RAPGEF2: variants seen among roughly 807,000 people sequenced by gnomAD.
RAPGEF2 encodes Rap guanine nucleotide exchange factor 2.
A neutral mutation model predicts 186.7 loss-of-function variants in RAPGEF2; 54 were observed. The observed-to-expected ratio is 0.29, with a 90% CI of 0.23 to 0.36. The LOEUF (loss-of-function observed/expected upper bound fraction) is 0.36, where lower values mean the gene tolerates loss of function less well. Ranked by LOEUF, RAPGEF2 falls within the 10% of genes least tolerant of loss-of-function variation. The pLI is 1.00. For synonymous variants in RAPGEF2, 712 were observed against 705.9 expected (o/e 1.01, Z -0.14); for missense variants, 1,532 against 2,045.0 (o/e 0.75, Z 4.84).
chr4:159,301,403 GT>G (rs1762657432), intron 7 of RAPGEF2, among the ~76,000 whole-genome samples: 1 of 152,062 alleles, frequency 6.6e-6, no homozygotes, highest in African/African-American at 2.4e-5. Flanking sequence ...TAATAGTATT[GT>G]TATCCTAATT....
chr4:159,171,262 A>G (rs1745877647), intron 1 of RAPGEF2, among the ~76,000 whole-genome samples: 1 of 152,216 alleles, frequency 6.6e-6, no homozygotes, highest in Non-Finnish European at 1.5e-5. Flanking sequence ...TTTGATTTTC[A>G]TAATTACCTT....
At chr4:159,338,505 T>C (rs1467071037) in intron 18 of RAPGEF2, 37 bp downstream of exon 18, 1 of 1,543,124 alleles carries the variant, frequency 6.5e-7, no homozygotes, top group African/African-American at 1.4e-5. Context: ...TTTCTTATAG[T>C]TATCTTTTTA....
Position 159,138,739 on chromosome 4 carries a change from G to T in RAPGEF2, c.69+34508G>T, listed in dbSNP as rs1277779979. Reference sequence around the variant, plus strand: ...TGGGTGATTGAAAGAATTAGGAAATGTGTAATAATCTTAAAGCATATTTTT... The same window carrying T: ...TGGGTGATTGAAAGAATTAGGAAATTTGTAATAATCTTAAAGCATATTTTT... On this transcript the variant is annotated intron_variant, in intron 1 of 29. Coordinates refer to ENST00000691494, the MANE Select transcript of RAPGEF2 (RefSeq NM_001394067.2). 2.0e-5 allele frequency among the ~76,000 whole-genome samples: 3 copies of T among 152,288 alleles called. No individual in the cohort carries two copies. In the East Asian group the frequency reaches 5.8e-4, roughly 29 times the overall value.
chr4:159,123,705 A>G (rs1739971634), intron 1 of RAPGEF2, among the ~76,000 whole-genome samples: 1 of 151,624 alleles, frequency 6.6e-6, no homozygotes, highest in Admixed American at 6.6e-5. Context: ...TTTTTAGTAG[A>G]GACAGGGTTT....
intron 1 of RAPGEF2, among the ~76,000 whole-genome samples, chr4:159,132,776 C>T (rs1027575832): frequency 1.3e-4 from 20 of 151,406 alleles, no homozygotes; most frequent in Admixed American, 3.9e-4. Context: ...AAGTTATGTG[C>T]GTTTTAAGTG....
chr4:159,143,273 A>C (rs754742670), intron 1 of RAPGEF2, among the ~76,000 whole-genome samples: 17 of 152,114 alleles, frequency 1.1e-4, no homozygotes, highest in South Asian at 1.0e-3. Context: ...ACCAAAAAAA[A>C]CCAAAAAAAC....
At chr4:159,156,409 TCTA>T (rs1744124222) in intron 1 of RAPGEF2, among the ~76,000 whole-genome samples, 5 of 152,214 alleles carry the variant, frequency 3.3e-5, no homozygotes. Flanking sequence ...ATGTGTTATA[TCTA>T]CTTTCTGAAT....
chr4:159,230,547 C>A (rs550563390), intron 4 of RAPGEF2, among the ~76,000 whole-genome samples: 58 of 152,104 alleles, frequency 3.8e-4, no homozygotes, highest in Middle Eastern at 3.2e-3. Flanking sequence ...TTATGAGTGC[C>A]ATTTCAAAGA....
At chr4:159,140,433 A>G (rs1381053923) in intron 1 of RAPGEF2, among the ~76,000 whole-genome samples, 1 of 152,226 alleles carries the variant, frequency 6.6e-6, no homozygotes, top group African/African-American at 2.4e-5. Flanking sequence ...GAAGGTATAT[A>G]TTAATTCCAA....
At chr4:159,256,420 T>C (rs1756168273) in intron 7 of RAPGEF2, among the ~76,000 whole-genome samples, 1 of 152,254 alleles carries the variant, frequency 6.6e-6, no homozygotes, top group African/African-American at 2.4e-5. Context: ...GGTGTATATG[T>C]ATCAAGTTTT....
chr4:159,151,123 G>T (rs1743488151), intron 1 of RAPGEF2, among the ~76,000 whole-genome samples: 2 of 152,222 alleles, frequency 1.3e-5, no homozygotes, highest in Admixed American at 1.3e-4. Flanking sequence ...TGTAATTTAT[G>T]ATAGAGAGTG....
intron 7 of RAPGEF2, among the ~76,000 whole-genome samples, chr4:159,262,356 G>T (rs1756970562): frequency 6.6e-6 from 1 of 152,156 alleles, no homozygotes; most frequent in Non-Finnish European, 1.5e-5. Flanking sequence ...TAGTAATAAA[G>T]ATAATATTCT....
At chr4:159,331,317 C>G in intron 13 of RAPGEF2, 114 bp from the exon 14 acceptor site, 1 of 598,134 alleles carries the variant, frequency 1.7e-6, no homozygotes, top group Non-Finnish European at 2.9e-6. Context: ...AATTTATTTT[C>G]CTGTTTATTA....
rs755319558 is a variant in RAPGEF2 at position 159,352,792 on chromosome 4, C to T, written c.3973C>T (p.Pro1325Ser). The change falls in exon 27 of 30, where the codon CCA (proline) becomes TCA (serine). Residue 1325 changes from proline to serine, a missense_variant. Pro to Ser is a moderately conservative substitution (Grantham distance 74). This residue lies in a region of RAPGEF2 where 594 missense variants were observed against 608.5 expected (regional missense o/e 0.98). Transcript: ENST00000691494. ...IVSNSSFDSV[P>S]VSLHDERRQR... ...TAGCAATTCGTCTTTTGACTCAGTG[C>T]CAGTCTCACTGCACGATGAGAGGCG... 33 of 1,614,066 alleles carry T rather than the reference C, an allele frequency of 2.0e-5. No homozygotes were observed. The highest frequency in any genetic ancestry group is 2.8e-5 in the Non-Finnish European group (33 of 1,180,022).
chr4:159,245,907 TC>T (rs1225606148), intron 7 of RAPGEF2, among the ~76,000 whole-genome samples: 2 of 152,118 alleles, frequency 1.3e-5, no homozygotes, highest in Non-Finnish European at 2.9e-5. Context: ...TTTCCATCCT[TC>T]CTAGGCTGGT....
At chr4:159,315,718 CAG>C (rs554000716) in intron 9 of RAPGEF2, among the ~76,000 whole-genome samples, 2 of 151,750 alleles carry the variant, frequency 1.3e-5, no homozygotes, top group Non-Finnish European at 2.9e-5. Flanking sequence ...GCAGCCGAGG[CAG>C]AGAGAGAGAG....
At chr4:159,189,474 G>A (rs1368814864) in intron 2 of RAPGEF2, among the ~76,000 whole-genome samples, 1 of 139,856 alleles carries the variant, frequency 7.2e-6, no homozygotes, top group African/African-American at 2.4e-5. Flanking sequence ...GCGGGGAAGA[G>A]TATGCTGTAA....
intron 4 of RAPGEF2, among the ~76,000 whole-genome samples, chr4:159,214,373 C>T (rs958545563): frequency 7.2e-5 from 11 of 152,170 alleles, no homozygotes; most frequent in African/African-American, 2.7e-4. Context: ...TCATTTGCAA[C>T]AGCTGTGGGG....
intron 3 of RAPGEF2, among the ~76,000 whole-genome samples, chr4:159,199,227 A>G (rs950996885): frequency 6.6e-6 from 1 of 152,176 alleles, no homozygotes; most frequent in African/African-American, 2.4e-5. Context: ...CCACACAGAT[A>G]CTTACGAAGG....
Sources: allele counts gnomAD v4.1 joint callset (sites outside exome capture counted in the v4.1 genomes callset), GRCh38; gene constraint gnomAD v4.1.1; regional missense constraint gnomAD v4.1.1; transcripts MANE v1.5; gene names NCBI Gene and HGNC (gene_info 2026-07-23, HGNC 2026-07-21).